SAP130: variants seen among roughly 807,000 people sequenced by gnomAD.
SAP130 encodes Sin3A associated protein 130, also known as histone deacetylase complex subunit SAP130.
Under a neutral mutation model 103.2 loss-of-function variants are expected in SAP130, and 16 were observed. The observed-to-expected ratio is 0.16, with a 90% CI of 0.10 to 0.24. The LOEUF (loss-of-function observed/expected upper bound fraction) is 0.24, where lower values mean the gene tolerates loss of function less well. Among genes scored for constraint, SAP130 ranks in the 10% least tolerant of loss-of-function variants. The probability of loss-of-function intolerance (pLI) is 1.00; values close to 1 mark genes in which losing one functional copy is unlikely to be tolerated. For missense variants in SAP130, 990 were observed against 1,359.7 expected (o/e 0.73, Z 4.28); for synonymous variants, 477 against 497.0 (o/e 0.96, Z 0.53).
rs371867337 is a variant in SAP130 at position 128,016,481 on chromosome 2, G to A, written c.415C>T (p.Pro139Ser). 1.6e-5 allele frequency: 26 copies of A among 1,613,946 alleles called. No individual in the cohort carries two copies. Among genetic ancestry groups the A allele is most frequent in the Non-Finnish European group, 1.8e-5 (21 of 1,179,996 alleles). Residue 139 changes from proline to serine, a missense_variant, in exon 4 of 21, where the codon CCC becomes TCC. Physicochemically the swap from Pro to Ser is moderately conservative, Grantham distance 74 (BLOSUM62 -1). Around this residue, in one of 6 missense-constraint regions of SAP130, gnomAD observed 167 missense variants for 187.4 expected, o/e 0.89. Transcript: ENST00000643581. ...GTAACCTGCCCTGGAACCTTGGGGGGAAGTGACAGGGTAGAAGGTGGAGCA... is the reference window on the plus strand; with the variant it reads ...GTAACCTGCCCTGGAACCTTGGGGGAAAGTGACAGGGTAGAAGGTGGAGCA... ...APAPPSTLSL[P>S]PKVPGQVTVT...
chr2:127,954,843 T>C (rs764823279), intron 16 of SAP130, 143 bp downstream of exon 16: 18 of 629,188 alleles, frequency 2.9e-5, no homozygotes, highest in East Asian at 8.2e-5. Context: ...CTTCTACTTA[T>C]CAAAAACTAA....
intron 16 of SAP130, among the ~76,000 whole-genome samples, chr2:127,951,640 CT>C (rs1277639344): frequency 1.3e-5 from 2 of 152,176 alleles, no homozygotes; most frequent in African/African-American, 4.8e-5. Flanking sequence ...TTCATTGTCC[CT>C]TCCTTTTCTT....
At position 127,942,764 on chromosome 2, in the gene SAP130, G is replaced by A. The variant is rs1473880695; in HGVS notation, c.2902-227C>T. On this transcript the variant is annotated intron_variant, in intron 19 of 20. Coordinates refer to ENST00000643581, the MANE Select transcript of SAP130 (RefSeq NM_001330301.2). The surrounding 1 kb of genome is among the most constrained non-coding windows in gnomAD (Gnocchi z 4.8). ...AGCACTTTGGGAGGTCGAGGCGGGT[G>A]GATCACCTGAGGTCCAGAGTTTGAG... is the stretch of plus-strand genomic sequence containing the variant. Among the ~76,000 whole-genome samples the A allele has an allele frequency of 2.0e-5, 3 of 152,168 alleles. No individual in the cohort carries two copies. Among genetic ancestry groups the A allele is most frequent in the Non-Finnish European group, 4.4e-5 (3 of 68,024 alleles).
At chr2:127,977,962 G>A in intron 15 of SAP130, 23 bp downstream of exon 15, 1 of 1,498,768 alleles carries the variant, frequency 6.7e-7, no homozygotes. Flanking sequence ...AAGCAAGAGT[G>A]CGAAGAACAC....
At chr2:127,967,624 C>A (rs1303775362) in intron 15 of SAP130, among the ~76,000 whole-genome samples, 1 of 152,192 alleles carries the variant, frequency 6.6e-6, no homozygotes, top group East Asian at 1.9e-4. Flanking sequence ...TCTTGAACTC[C>A]TGACCTTGTG....
chr2:128,010,010 C>T (rs1684269485), intron 7 of SAP130, among the ~76,000 whole-genome samples: 1 of 152,134 alleles, frequency 6.6e-6, no homozygotes, highest in Non-Finnish European at 1.5e-5. Context: ...TCCCTTTTAC[C>T]CTTATTTTTT....
intron 11 of SAP130, among the ~76,000 whole-genome samples, chr2:127,995,526 G>C (rs906259779): frequency 1.3e-5 from 2 of 152,112 alleles, no homozygotes; most frequent in African/African-American, 4.8e-5. Context: ...AAATAAATGG[G>C]GGTGGATAAG....
chr2:128,014,479 G>A (rs1371564943), intron 5 of SAP130, among the ~76,000 whole-genome samples: 1 of 151,884 alleles, frequency 6.6e-6, no homozygotes, highest in African/African-American at 2.4e-5. Flanking sequence ...TGGGACTACA[G>A]ACGCATGCCA....
At chr2:128,027,647 G>A (rs1383189612) in intron 1 of SAP130, among the ~76,000 whole-genome samples, 1 of 35,136 alleles carries the variant, frequency 2.8e-5, no homozygotes, top group Non-Finnish European at 5.8e-5. Flanking sequence ...GCCCGCCCGC[G>A]CTCCCCCGGC....
chr2:127,967,105 G>T (rs544998378), intron 15 of SAP130, among the ~76,000 whole-genome samples: 1 of 152,268 alleles, frequency 6.6e-6, no homozygotes, highest in Admixed American at 6.5e-5. Context: ...GAAGATCAAA[G>T]AACTTGGAGA....
chr2:127,942,623 C>A lies in SAP130; in HGVS notation c.2902-86G>T. On this transcript the variant is annotated intron_variant, in intron 19 of 20. Coordinates refer to ENST00000643581, the MANE Select transcript of SAP130 (RefSeq NM_001330301.2). This position sits in a 1 kb window ranked among gnomAD's most constrained non-coding sequence, Gnocchi z 4.8. ...GGCAAATGAACCCACCTTCAATCAC[C>A]TTTGTAAACTGTCTAAGAGTTGTTT... The A allele has an allele frequency of 1.3e-6, 1 of 758,530 alleles. No individual in the cohort carries two copies. Among genetic ancestry groups the A allele is most frequent in the South Asian group, 1.5e-5 (1 of 65,050 alleles). The allele number at this position is 758,530 out of a possible 1,614,324, so 47.0% of individuals were successfully genotyped here.
At chr2:127,963,994 G>A (rs1036836892) in intron 15 of SAP130, among the ~76,000 whole-genome samples, 2 of 152,156 alleles carry the variant, frequency 1.3e-5, no homozygotes, top group East Asian at 1.9e-4. Flanking sequence ...ACTAGAAATA[G>A]GAATGAAAGG....
chr2:127,970,088 C>T (rs1680961968), intron 15 of SAP130, among the ~76,000 whole-genome samples: 1 of 150,654 alleles, frequency 6.6e-6, no homozygotes, highest in African/African-American at 2.4e-5. Context: ...ATTAGCTGGG[C>T]ATGGTAGCTC....
intron 1 of SAP130, chr2:128,026,947 A>G: frequency 1.4e-6 from 1 of 705,568 alleles, no homozygotes; most frequent in South Asian, 6.2e-5. Flanking sequence ...TTCGCCCGCA[A>G]CCCCACCCCA....
rs137947932 is a variant in SAP130, at chr2:128,004,615, G to T, written c.870-4161C>A. ...GACAGAGAAAACCAAAATCTTTTGT[G>T]TAACAGTGGAAATGAAGCTGGCAGT... On this transcript the variant is annotated intron_variant, in intron 7 of 20. Transcript: ENST00000643581. 1.8e-4 allele frequency among the ~76,000 whole-genome samples: 27 copies of T among 152,216 alleles called. No individual in the cohort carries two copies. In the Middle Eastern group the frequency reaches 0.01, roughly 58 times the overall value.
chr2:128,016,084 G>A (rs1285917346), intron 4 of SAP130, among the ~76,000 whole-genome samples: 3 of 151,784 alleles, frequency 2.0e-5, no homozygotes, highest in South Asian at 2.1e-4. Flanking sequence ...AACCAAACAC[G>A]AACCGGACTC....
chr2:127,978,926 A>G (rs776453075), intron 14 of SAP130, among the ~76,000 whole-genome samples: 6 of 152,232 alleles, frequency 3.9e-5, no homozygotes, highest in Non-Finnish European at 7.3e-5. Context: ...AAATTACTCT[A>G]CGGGTGCAGT....
chr2:128,013,249 T>A, intron 5 of SAP130, 95 bp from the exon 6 acceptor site: 1 of 1,224,832 alleles, frequency 8.2e-7, no homozygotes, highest in Non-Finnish European at 1.1e-6. Flanking sequence ...CATGTCAATA[T>A]CGAGCTGAAG....
At chr2:128,010,189 C>A in intron 7 of SAP130, 80 bp downstream of exon 7, 1 of 1,424,022 alleles carries the variant, frequency 7.0e-7, no homozygotes, top group Non-Finnish European at 9.5e-7. Flanking sequence ...TAAATATTTA[C>A]TTAAATGAAG....
Sources: gnomAD v4.1 joint callset for allele counts (sites outside exome capture counted in the v4.1 genomes callset) on GRCh38, gnomAD v4.1.1 for gene constraint, gnomAD v4.1.1 regional missense constraint, Gnocchi (gnomAD v3.1) non-coding constraint, MANE v1.5 for transcripts, NCBI Gene and HGNC (gene_info 2026-07-23, HGNC 2026-07-21) for gene names.